SERTM2: variants seen among roughly 807,000 people sequenced by gnomAD.
SERTM2 encodes serine-rich and transmembrane domain-containing protein 2.
At chrX:111,517,257 G>A (rs765554540) in intron 2 of SERTM2, among the ~76,000 whole-genome samples, 1 of 111,199 alleles carries the variant, frequency 9.0e-6, no homozygotes, top group Non-Finnish European at 1.9e-5. Flanking sequence ...ATGTTCCCCT[G>A]ATTCATTAAA....
rs931005920 is a variant in SERTM2, at chrX:111,518,869, G to A, written c.12G>A (p.Ala4=). The A allele has an allele frequency of 4.4e-5, 13 of 295,760 alleles. No homozygotes were observed. Among genetic ancestry groups the A allele is most frequent in the Non-Finnish European group, 7.1e-5 (12 of 169,832 alleles). 24.4% of individuals were successfully genotyped at this position (295,760 alleles called of 1,213,427 possible). The change falls in exon 3 of 3, where the codon GCG becomes GCA. Residue 4 remains alanine (A), a synonymous_variant. Transcript: ENST00000569275. ...TCAAGTCTTGAGTGATGATGGAGGCGCATTTTAAATACCATGGAAATCTCA... is the reference window on the plus strand; with the variant it reads ...TCAAGTCTTGAGTGATGATGGAGGCACATTTTAAATACCATGGAAATCTCA... MME[A]HFKYHGNLTG...
chrX:111,521,324 A>G lies in SERTM2; in HGVS notation c.*2194A>G, dbSNP rs1305628448. On this transcript the variant is annotated 3_prime_UTR_variant, in exon 3 of 3. Coordinates refer to ENST00000569275, the MANE Select transcript of SERTM2 (RefSeq NM_001354473.2). ...CAACCTCTTTCATCACAACTACCCC[A>G]TGGGGATCCAGCTCGTCACTGAGCA... The G allele has an allele frequency of 3.6e-5, 4 of 111,049 alleles. No individual in the cohort carries two copies. The highest frequency in any genetic ancestry group is 9.6e-5 in the Admixed American group (1 of 10,381). 9.2% of individuals were successfully genotyped at this position (111,049 alleles called of 1,213,427 possible). A position where few individuals can be genotyped will look rare whatever the true frequency, so the allele number is the denominator to read the frequency against.
chrX:111,518,924 A>G lies in SERTM2; in HGVS notation c.67A>G (p.Thr23Ala), dbSNP rs1185276749. The G allele has an allele frequency of 4.4e-5, 13 of 296,152 alleles. No homozygotes were observed. Among genetic ancestry groups the G allele is most frequent in the Non-Finnish European group, 1.2e-5 (2 of 169,921 alleles). 24.4% of individuals were successfully genotyped at this position (296,152 alleles called of 1,213,427 possible). A position where few individuals can be genotyped will look rare whatever the true frequency, so the allele number is the denominator to read the frequency against. Residue 23 changes from threonine (T) to alanine (A), a missense_variant, in exon 3 of 3, where the codon ACA (threonine) becomes GCA (alanine). Coordinates refer to ENST00000569275, the MANE Select transcript of SERTM2 (RefSeq NM_001354473.2). ...TGRAHFPTLA[T>A]EVDTSSDKYS... ...GCGTGCCCATTTTCCCACTCTGGCAACAGAGGTTGATACCTCTTCAGACAA... is the reference window on the plus strand; with the variant it reads ...GCGTGCCCATTTTCCCACTCTGGCAGCAGAGGTTGATACCTCTTCAGACAA...
At chrX:111,515,209 A>G (rs1327213590) in intron 2 of SERTM2, among the ~76,000 whole-genome samples, 1 of 111,633 alleles carries the variant, frequency 9.0e-6, no homozygotes, top group Non-Finnish European at 1.9e-5. Context: ...AGGGAGTATA[A>G]AGATACTAGA....
At chrX:111,516,518 T>C (rs905787907) in intron 2 of SERTM2, among the ~76,000 whole-genome samples, 5 of 111,036 alleles carry the variant, frequency 4.5e-5, no homozygotes, top group African/African-American at 1.6e-4. Flanking sequence ...GTGTTTAGTA[T>C]GCGTATTCCT....
In SERTM2 at chrX:111,521,799, A is replaced by G. The variant is rs1038024682; in HGVS notation, c.*2669A>G. 2 of 110,765 alleles carry G rather than the reference A, an allele frequency of 1.8e-5. No individual in the cohort carries two copies. The highest frequency in any genetic ancestry group is 3.8e-5 in the Non-Finnish European group (2 of 53,054). 9.1% of individuals were successfully genotyped at this position (110,765 alleles called of 1,213,427 possible). On this transcript the variant is annotated 3_prime_UTR_variant, in exon 3 of 3. Coordinates refer to ENST00000569275, the MANE Select transcript of SERTM2 (RefSeq NM_001354473.2). ...ATTAGCTGAACCATATGAAATTGCC[A>G]TTTGATAGGCCAAAAAATGCTCAAA...
intron 2 of SERTM2, among the ~76,000 whole-genome samples, chrX:111,514,238 C>G (rs1296318614): frequency 9.0e-6 from 1 of 111,609 alleles, no homozygotes; most frequent in Non-Finnish European, 1.9e-5. Flanking sequence ...GACTGTGCCT[C>G]TCTTTGAACT....
At chrX:111,515,999 C>T (rs1438319164) in intron 2 of SERTM2, among the ~76,000 whole-genome samples, 1 of 109,916 alleles carries the variant, frequency 9.1e-6, no homozygotes, top group African/African-American at 3.3e-5. Context: ...TGACTTAAAA[C>T]AACAGAAATT....
In SERTM2 at chrX:111,511,989, A is replaced by G. The variant is rs763474044; in HGVS notation, c.-880-9A>G. The G allele has an allele frequency of 7.4e-4, 219 of 295,138 alleles. No individual in the cohort carries two copies. The highest frequency in any genetic ancestry group is 1.8e-3 in the Middle Eastern group (2 of 1,123). The allele number at this position is 295,138 out of a possible 1,213,427, so 24.3% of individuals were successfully genotyped here. A position where few individuals can be genotyped will look rare whatever the true frequency, so the allele number is the denominator to read the frequency against. On this transcript the variant is annotated splice_polypyrimidine_tract_variant and intron_variant, in intron 1 of 2. Transcript: ENST00000569275. ...TTTGGCAAAACAAGGCTTTCATTCT[A>G]TGTTCCAGCTATTCCAGAGATGTTC...
In SERTM2 at chrX:111,514,548, T is replaced by C. The variant is rs183179659; in HGVS notation, c.-784+2454T>C. Among the ~76,000 whole-genome samples the C allele has an allele frequency of 1.5e-4, 17 of 111,421 alleles. No homozygotes were observed. In the Admixed American group the frequency reaches 1.5e-3, roughly 10 times the overall value. On this transcript the variant is annotated intron_variant, in intron 2 of 2. Transcript: ENST00000569275. ...TTCCTCACCCAGAGATGTGTGAAGA[T>C]AGAAGGAACTGGTCAAACAAAAATG...
chrX:111,518,563 AAGT>A lies in SERTM2; in HGVS notation c.-292_-290del, dbSNP rs1228199720. 1 of 249,394 alleles carries A rather than the reference AAGT, an allele frequency of 4.0e-6. No individual in the cohort carries two copies. Among genetic ancestry groups the A allele is most frequent in the Non-Finnish European group, 7.1e-6 (1 of 140,054 alleles). The allele number at this position is 249,394 out of a possible 1,213,427, so 20.6% of individuals were successfully genotyped here. On this transcript the variant is annotated 5_prime_UTR_variant, in exon 3 of 3. Transcript: ENST00000569275. The stretch of plus-strand genomic sequence containing the variant: ...CCCATATTTATTTTAATCAGTATAA[AAGT>A]AGGAGTGTGGAAAATAAAACATTAC...
intron 2 of SERTM2, among the ~76,000 whole-genome samples, chrX:111,516,593 C>T (rs1259668559): frequency 9.0e-6 from 1 of 110,936 alleles, no homozygotes; most frequent in African/African-American, 3.3e-5. Context: ...AAAATGTTTC[C>T]TAGACCATTG....
chrX:111,515,808 G>A (rs949959106), intron 2 of SERTM2, among the ~76,000 whole-genome samples: 1 of 110,614 alleles, frequency 9.0e-6, no homozygotes, highest in Non-Finnish European at 1.9e-5. Flanking sequence ...AAGGGAAAGG[G>A]TCTGGGAAAG....
intron 1 of SERTM2, 39 bp downstream of exon 1, chrX:111,511,873 A>G: frequency 3.5e-6 from 1 of 284,956 alleles, no homozygotes; most frequent in Non-Finnish European, 6.2e-6. Flanking sequence ...ATTTTAAGTA[A>G]TAGAAGGTGT....
In SERTM2 at chrX:111,520,460, A is replaced by G. The variant is rs1930394240; in HGVS notation, c.*1330A>G. 8.9e-6 allele frequency: 1 copy of G among 111,927 alleles called. No homozygotes were observed. The highest frequency in any genetic ancestry group is 2.8e-4 in the East Asian group (1 of 3,578). 9.2% of individuals were successfully genotyped at this position (111,927 alleles called of 1,213,427 possible). On this transcript the variant is annotated 3_prime_UTR_variant, in exon 3 of 3. Coordinates refer to ENST00000569275, the MANE Select transcript of SERTM2 (RefSeq NM_001354473.2). ...TATCTTTTGTACCTAAAGGGGGGTC[A>G]TCAAATTTCACAGAGTACTCTCTCA...
intron 2 of SERTM2, among the ~76,000 whole-genome samples, chrX:111,515,769 C>A (rs1209966525): frequency 9.0e-6 from 1 of 110,895 alleles, no homozygotes; most frequent in Non-Finnish European, 1.9e-5. Context: ...TTCCAGGATA[C>A]TGTCCCCAGA....
Position 111,511,694 on chromosome X carries a change from G to A in SERTM2, c.-1021G>A. Reference sequence around the variant, plus strand: ...TCCCGCATACTCTAAACTGTTGCCTGCGAAAGAGGAACTGGGGACTTAGAC... The same window carrying A: ...TCCCGCATACTCTAAACTGTTGCCTACGAAAGAGGAACTGGGGACTTAGAC... On this transcript the variant is annotated 5_prime_UTR_variant, in exon 1 of 3. Transcript: ENST00000569275. The A allele has an allele frequency of 6.8e-6, 1 of 147,306 alleles. No individual in the cohort carries two copies. Among genetic ancestry groups the A allele is most frequent in the Non-Finnish European group, 1.3e-5 (1 of 75,570 alleles). The allele number at this position is 147,306 out of a possible 1,213,427, so 12.1% of individuals were successfully genotyped here.
chrX:111,522,347 T>C lies in SERTM2; in HGVS notation c.*3217T>C, dbSNP rs1930426277. 1 of 112,031 alleles carries C rather than the reference T, an allele frequency of 8.9e-6. No homozygotes were observed. Among genetic ancestry groups the C allele is most frequent in the Non-Finnish European group, 1.9e-5 (1 of 53,280 alleles). 9.2% of individuals were successfully genotyped at this position (112,031 alleles called of 1,213,427 possible). On this transcript the variant is annotated 3_prime_UTR_variant, in exon 3 of 3. Transcript: ENST00000569275. ...ATGGAAATATATTTGCATTAATATT[T>C]AGCATGTCATTTTTGATCCCTGGAC... is the stretch of plus-strand genomic sequence containing the variant.
In SERTM2 at chrX:111,519,272, TTG is replaced by T. The variant is rs1930371000; in HGVS notation, c.*146_*147del. The T allele has an allele frequency of 6.9e-6, 2 of 288,534 alleles. No individual in the cohort carries two copies. The highest frequency in any genetic ancestry group is 5.5e-5 in the African/African-American group (2 of 36,251). The allele number at this position is 288,534 out of a possible 1,213,427, so 23.8% of individuals were successfully genotyped here. On this transcript the variant is annotated 3_prime_UTR_variant, in exon 3 of 3. Coordinates refer to ENST00000569275, the MANE Select transcript of SERTM2 (RefSeq NM_001354473.2). Reference sequence around the variant, plus strand: ...TAACAGCAAGCTGTTCATGTTTTCTTTGTGTTATTCTTCATCTTTACTCTGCT... The same window carrying T: ...TAACAGCAAGCTGTTCATGTTTTCTTTGTTATTCTTCATCTTTACTCTGCT...
Sources: allele counts gnomAD v4.1 joint callset (sites outside exome capture counted in the v4.1 genomes callset), GRCh38; gene constraint gnomAD v4.1.1; transcripts MANE v1.5; gene names NCBI Gene and HGNC (gene_info 2026-07-23, HGNC 2026-07-21).